Variants in GLT1D1 observed in about 807,000 individuals in gnomAD.
GLT1D1 encodes the protein glycosyltransferase 1 domain-containing protein 1.
Under a neutral mutation model 28.7 loss-of-function variants are expected in GLT1D1, and 21 were observed. The observed-to-expected ratio is 0.73, with a 90% CI of 0.52 to 1.05. The LOEUF (loss-of-function observed/expected upper bound fraction) is 1.05, where lower values mean the gene tolerates loss of function less well. Among genes scored for constraint, GLT1D1 ranks in the 50% least tolerant of loss-of-function variants. The pLI is 0.00. For synonymous variants in GLT1D1, 147 were observed against 124.8 expected (o/e 1.18, Z -1.19); for missense variants, 343 against 330.6 (o/e 1.04, Z -0.29).
chr12:128,965,732 A>AAAG (rs1555220850), intron 7 of GLT1D1, among the ~76,000 whole-genome samples: 24,347 of 101,882 alleles, frequency 0.24, 3,129 homozygotes, highest in Non-Finnish European at 0.26. Context: ...AAAAAAAAAA[A>AAAG]AAAGAAAAAG....
At chr12:128,947,068 C>T (rs1294956611) in intron 5 of GLT1D1, among the ~76,000 whole-genome samples, 1 of 152,188 alleles carries the variant, frequency 6.6e-6, no homozygotes, top group Non-Finnish European at 1.5e-5. Flanking sequence ...TGAACCTTGT[C>T]TCTGACTCTT....
chr12:128,960,844 C>T (rs190889352), intron 7 of GLT1D1, among the ~76,000 whole-genome samples: 20 of 152,200 alleles, frequency 1.3e-4, no homozygotes, highest in Non-Finnish European at 2.4e-4. Flanking sequence ...CATGTCAGAG[C>T]GTCAGCCTTA....
intron 7 of GLT1D1, among the ~76,000 whole-genome samples, chr12:128,969,490 G>A (rs1025205934): frequency 1.3e-5 from 2 of 152,196 alleles, no homozygotes; most frequent in Admixed American, 6.5e-5. Context: ...CCTAGGGCAG[G>A]TTTGCCCCGA....
intron 1 of GLT1D1, among the ~76,000 whole-genome samples, chr12:128,858,146 T>G (rs1272204451): frequency 6.6e-6 from 1 of 152,208 alleles, no homozygotes; most frequent in Non-Finnish European, 1.5e-5. Context: ...TTTTTTTATC[T>G]TGCCCAAATT....
intron 2 of GLT1D1, among the ~76,000 whole-genome samples, chr12:128,877,083 CTTA>C (rs1956886330): frequency 6.6e-6 from 1 of 152,132 alleles, no homozygotes; most frequent in South Asian, 2.1e-4. Flanking sequence ...CTTATTTATT[CTTA>C]TTATTCTTGA....
At chr12:128,977,352 GATT>G (rs1052075263) in intron 7 of GLT1D1, among the ~76,000 whole-genome samples, 30 of 152,196 alleles carry the variant, frequency 2.0e-4, no homozygotes, top group African/African-American at 5.8e-4. Flanking sequence ...TCTTTTGCAT[GATT>G]ATTATTATTA....
chr12:128,921,413 T>C (rs991831052), intron 4 of GLT1D1, among the ~76,000 whole-genome samples: 48 of 152,176 alleles, frequency 3.2e-4, no homozygotes, highest in African/African-American at 1.0e-3. Context: ...CTTTTAAACA[T>C]TGAAGTGAAA....
At position 128,983,288 on chromosome 12, in the gene GLT1D1, G is replaced by T; in HGVS notation, c.*198G>T. On this transcript the variant is annotated 3_prime_UTR_variant, in exon 8 of 8. Transcript: ENST00000281703. This position sits in a 1 kb window ranked among gnomAD's most constrained non-coding sequence, Gnocchi z 4.7. ...TCTGTGCGTTCAGATGCTGTCCCAG[G>T]CGTGTTCACCAGCCAGTCCTGATGG... 3.6e-6 allele frequency: 2 copies of T among 563,226 alleles called. No homozygotes were observed. The highest frequency in any genetic ancestry group is 2.9e-5 in the East Asian group (1 of 34,504). 34.9% of individuals were successfully genotyped at this position (563,226 alleles called of 1,614,324 possible). A position where few individuals can be genotyped will look rare whatever the true frequency, so the allele number is the denominator to read the frequency against.
At chr12:128,932,615 T>G (rs1874045382) in intron 4 of GLT1D1, among the ~76,000 whole-genome samples, 1 of 152,196 alleles carries the variant, frequency 6.6e-6, no homozygotes, top group East Asian at 1.9e-4. Context: ...ATTTGTTGTT[T>G]CAGCAAACAG....
At chr12:128,895,281 T>C (rs572536473) in intron 3 of GLT1D1, among the ~76,000 whole-genome samples, 2 of 152,256 alleles carry the variant, frequency 1.3e-5, no homozygotes, top group South Asian at 4.1e-4. Context: ...TATGTATATA[T>C]GCACATATAC....
intron 3 of GLT1D1, among the ~76,000 whole-genome samples, chr12:128,890,855 C>T (rs966538048): frequency 1.3e-5 from 2 of 152,074 alleles, no homozygotes; most frequent in Admixed American, 6.5e-5. Context: ...AAAAATTAGC[C>T]GGACATGGTG....
chr12:128,898,583 A>G (rs977899464), intron 3 of GLT1D1, among the ~76,000 whole-genome samples: 1 of 152,204 alleles, frequency 6.6e-6, no homozygotes, highest in Admixed American at 6.5e-5. Context: ...TCTGGATTTT[A>G]TTTGAATTAT....
intron 7 of GLT1D1, among the ~76,000 whole-genome samples, chr12:128,976,379 C>G (rs924109073): frequency 1.3e-5 from 2 of 152,152 alleles, no homozygotes; most frequent in Admixed American, 1.3e-4. Flanking sequence ...TACAAGCTCC[C>G]TTAGAGAGTC....
At chr12:128,927,297 GGC>G in intron 4 of GLT1D1, 143 bp downstream of exon 8, 12 of 630,936 alleles carry the variant, frequency 1.9e-5, no homozygotes, top group South Asian at 4.0e-5. Flanking sequence ...GGAGTGCAGT[GGC>G]GTGATCTCGG....
At position 128,942,735 on chromosome 12, in the gene GLT1D1, G is replaced by GTTTTTTTTTTTTTTTTTTTTTTTTTTTT. The variant is rs1397894974; in HGVS notation, c.376-2588_376-2587insTTTTTTTTTTTTTTTTTTTTTTTTTTTT. 6.7e-5 allele frequency among the ~76,000 whole-genome samples: 6 copies of GTTTTTTTTTTTTTTTTTTTTTTTTTTTT among 89,506 alleles called. 2 individuals carry two copies. The highest frequency in any genetic ancestry group is 2.6e-4 in the African/African-American group (6 of 23,110). The allele number at this position is 89,506 out of a possible 152,430, so 58.7% of individuals were successfully genotyped here. On this transcript the variant is annotated intron_variant, in intron 4 of 7. Coordinates refer to ENST00000281703, the MANE Select transcript of GLT1D1 (RefSeq NM_144669.3). ...ATCACTTTAGATTCCAATTTTCTTT[G>GTTTTTTTTTTTTTTTTTTTTTTTTTTTT]TTTGTTTGTTTTTGTTTTTTGTTTT... is the stretch of plus-strand genomic sequence containing the variant.
At chr12:128,880,359 AT>A (rs1267912568) in intron 2 of GLT1D1, among the ~76,000 whole-genome samples, 2 of 152,230 alleles carry the variant, frequency 1.3e-5, no homozygotes, top group Non-Finnish European at 2.9e-5. Context: ...TCTAATAAAT[AT>A]CGAGAACTGA....
chr12:128,949,371 C>T (rs756472965), intron 6 of GLT1D1, among the ~76,000 whole-genome samples: 18 of 152,052 alleles, frequency 1.2e-4, no homozygotes, highest in Non-Finnish European at 2.1e-4. Flanking sequence ...AACCTTTGGG[C>T]GAAGTGTTTT....
intron 6 of GLT1D1, among the ~76,000 whole-genome samples, chr12:128,953,200 A>T (rs1876910277): frequency 6.6e-6 from 1 of 152,142 alleles, no homozygotes; most frequent in African/African-American, 2.4e-5. Flanking sequence ...GAGTTGTAAG[A>T]GTTCTTTATA....
intron 7 of GLT1D1, among the ~76,000 whole-genome samples, chr12:128,967,140 C>A (rs1319226948): frequency 1.3e-5 from 2 of 152,196 alleles, no homozygotes. Context: ...GTATGGTGCA[C>A]AGCTATAGAA....
Sources: gnomAD v4.1 joint callset for allele counts (sites outside exome capture counted in the v4.1 genomes callset) on GRCh38, gnomAD v4.1.1 for gene constraint, Gnocchi (gnomAD v3.1) non-coding constraint, MANE v1.5 for transcripts, NCBI Gene and HGNC (gene_info 2026-07-23, HGNC 2026-07-21) for gene names.